The following SLC23A3 variants were observed in gnomAD, a reference collection of about 807,000 sequenced individuals.
SLC23A3 encodes the protein E2-binding protein 3.
Under a neutral mutation model 64.7 loss-of-function variants are expected in SLC23A3, and 41 were observed. The ratio of observed to expected loss-of-function variants is 0.63; its 90% CI spans 0.49 to 0.82. The LOEUF is 0.82. Among genes scored for constraint, SLC23A3 ranks in the 40% least tolerant of loss-of-function variants. The pLI, the probability that SLC23A3 is intolerant of heterozygous loss-of-function variation, is 0.00. For synonymous variants in SLC23A3, 281 were observed against 306.8 expected, an observed-to-expected ratio of 0.92 and a Z score of 0.88; for missense variants, 647 against 733.4, an observed-to-expected ratio of 0.88 and a Z score of 1.36.
chr2:219,168,947 A>C, intron 4 of SLC23A3, 82 bp downstream of exon 4: 1 of 1,554,894 alleles, frequency 6.4e-7, no homozygotes, highest in Non-Finnish European at 8.9e-7. Flanking sequence ...TTCCAGGAGC[A>C]TCTCAGTCTG....
At chr2:219,163,794 G>A (rs901884450) in intron 9 of SLC23A3, among the ~76,000 whole-genome samples, 5 of 151,828 alleles carry the variant, frequency 3.3e-5, no homozygotes, top group South Asian at 2.1e-4. Flanking sequence ...TCCTACTCCC[G>A]GATTCAAGCG....
chr2:219,166,111 G>A (rs974447973), intron 7 of SLC23A3, among the ~76,000 whole-genome samples: 1 of 146,800 alleles, frequency 6.8e-6, no homozygotes, highest in African/African-American at 2.5e-5. Context: ...CAGCCTGGGC[G>A]ACAAGAGTGA....
chr2:219,164,025 G>T (rs1949977793), intron 9 of SLC23A3, among the ~76,000 whole-genome samples: 1 of 152,180 alleles, frequency 6.6e-6, no homozygotes, highest in African/African-American at 2.4e-5. Flanking sequence ...TGATTCTTCA[G>T]GAAGCCCAGA....
chr2:219,168,600 C>A, intron 5 of SLC23A3, 52 bp downstream of exon 5: 1 of 1,559,176 alleles, frequency 6.4e-7, no homozygotes, highest in East Asian at 2.3e-5. Flanking sequence ...TCCCCTAGTC[C>A]CCCCATACAC....
chr2:219,165,363 A>G lies in SLC23A3; in HGVS notation c.973T>C (p.Leu325=). 8 of 1,551,358 alleles carry G rather than the reference A, an allele frequency of 5.2e-6. No individual in the cohort carries two copies. The highest frequency in any genetic ancestry group is 7.0e-6 in the Non-Finnish European group (8 of 1,146,896). ...RALAAGISMA[L]AASTSSLGCY... is the part of the protein sequence containing the mutation. ...CCCAGGGAACTGGTGGAGGCTGCCA[A>G]GGCCATGGAGATGCCTGCAGCCAGA... The change falls in exon 8 of 12, where the codon TTG becomes CTG. Residue 325 remains leucine (L), a synonymous_variant. Coordinates refer to ENST00000409878, the MANE Select transcript of SLC23A3 (RefSeq NM_001144889.2).
rs1949943755 is a variant in SLC23A3, at chr2:219,161,689, C to T, written c.*220G>A. ...GATAGTACACAGGCAAAATCTCAATCATTCATGGTCCACTAAATCATGGCC... is the reference window on the plus strand; with the variant it reads ...GATAGTACACAGGCAAAATCTCAATTATTCATGGTCCACTAAATCATGGCC... On this transcript the variant is annotated 3_prime_UTR_variant, in exon 12 of 12. Transcript: ENST00000409878. 2.3e-6 allele frequency: 1 copy of T among 439,630 alleles called. No individual in the cohort carries two copies. Among genetic ancestry groups the T allele is most frequent in the Admixed American group, 3.8e-5 (1 of 26,370 alleles). The allele number at this position is 439,630 out of a possible 1,614,324, so 27.2% of individuals were successfully genotyped here.
At position 219,163,494 on chromosome 2, in the gene SLC23A3, C is replaced by T; in HGVS notation, c.1335G>A (p.Leu445=). 6.2e-7 allele frequency: 1 copy of T among 1,614,148 alleles called. No homozygotes were observed. The highest frequency in any genetic ancestry group is 8.5e-7 in the Non-Finnish European group (1 of 1,180,042). ...VLSAGFSSFY[L]ADIDSGRNIF... ...TATTTCGCCCAGAGTCTATGTCAGCCAGGTAGAAGCTGGAGAATCCAGCAG... is the reference window on the plus strand; with the variant it reads ...TATTTCGCCCAGAGTCTATGTCAGCTAGGTAGAAGCTGGAGAATCCAGCAG... The change falls in exon 10 of 12, where the codon CTG becomes CTA. Residue 445 remains leucine, a synonymous_variant. Coordinates refer to ENST00000409878, the MANE Select transcript of SLC23A3 (RefSeq NM_001144889.2).
Position 219,169,363 on chromosome 2 carries a change from C to A in SLC23A3, c.364G>T (p.Ala122Ser), listed in dbSNP as rs761310824. ...AGCTTCTGGCTGGTCAGCACCAGAG[C>A]AGGGATAAGGAACTCTAAGGATGGA... ...QAPSLEFLIP[A>S]LVLTSQKLPR... The change falls in exon 3 of 12, where the codon GCT becomes TCT. Residue 122 changes from alanine (A) to serine (S), a missense_variant. By Grantham distance (99) the Ala-to-Ser change is moderately conservative. Transcript: ENST00000409878. The surrounding 1 kb of genome is among the most constrained non-coding windows in gnomAD (Gnocchi z 4.5). The A allele has an allele frequency of 1.2e-6, 2 of 1,614,174 alleles. No homozygotes were observed. Among genetic ancestry groups the A allele is most frequent in the Non-Finnish European group, 1.7e-6 (2 of 1,180,024 alleles).
Position 219,169,439 on chromosome 2 carries a change from C to T in SLC23A3, c.321-33G>A, listed in dbSNP as rs1447766151. The T allele has an allele frequency of 6.2e-7, 1 of 1,613,848 alleles. No individual in the cohort carries two copies. Among genetic ancestry groups the T allele is most frequent in the Non-Finnish European group, 8.5e-7 (1 of 1,179,908 alleles). ...AACAGCAGCCCCAGCAGGTCTGGGA[C>T]TATGTGGCAGCCAGCAAGGCTCCCC... On this transcript the variant is annotated intron_variant, in intron 2 of 11. Coordinates refer to ENST00000409878, the MANE Select transcript of SLC23A3 (RefSeq NM_001144889.2). The surrounding 1 kb of genome is among the most constrained non-coding windows in gnomAD (Gnocchi z 4.5).
rs73074971 is a variant in SLC23A3 at position 219,166,055 on chromosome 2, C to T, written c.914-633G>A. ...GGTGGAAGCAGGAGAATCACTTGAACCCGGAAGGCGGAGGTGCAGTTAGCC... is the reference window on the plus strand; with the variant it reads ...GGTGGAAGCAGGAGAATCACTTGAATCCGGAAGGCGGAGGTGCAGTTAGCC... On this transcript the variant is annotated intron_variant, in intron 7 of 11. Transcript: ENST00000409878. Among the ~76,000 whole-genome samples the T allele has an allele frequency of 2.4e-3, 360 of 151,960 alleles. 3 individuals carry two copies. The highest frequency in any genetic ancestry group is 7.6e-3 in the African/African-American group (316 of 41,424).
chr2:219,165,049 C>T, intron 8 of SLC23A3, 120 bp downstream of exon 8: 1 of 1,343,420 alleles, frequency 7.4e-7, no homozygotes, highest in African/African-American at 1.5e-5. Context: ...AGGCACCTCC[C>T]CAAGTAAGAT....
At chr2:219,167,189 G>A (rs1306436257) in intron 7 of SLC23A3, among the ~76,000 whole-genome samples, 9 of 152,166 alleles carry the variant, frequency 5.9e-5, no homozygotes, top group African/African-American at 2.2e-4. Flanking sequence ...AGCCAAGGAG[G>A]TTGAGGCTGC....
intron 8 of SLC23A3, 170 bp from the exon 9 acceptor site, chr2:219,164,508 A>G: frequency 1.8e-6 from 1 of 558,076 alleles, no homozygotes. Flanking sequence ...CACTACCCTG[A>G]TTTTTTTATA....
Position 219,164,259 on chromosome 2 carries a change from A to T in SLC23A3, c.1247T>A (p.Leu416His). The T allele has an allele frequency of 1.2e-6, 2 of 1,609,640 alleles. No individual in the cohort carries two copies. Among genetic ancestry groups the T allele is most frequent in the Non-Finnish European group, 1.7e-6 (2 of 1,178,010 alleles). ...LGLSPRLAQL[L>H]TTIPLPVVGG... Reference sequence around the variant, plus strand: ...AACAACAGGCAGTGGGATGGTGGTGAGGAGCTGAGCCAACCTGGGGGAGAG... The same window carrying T: ...AACAACAGGCAGTGGGATGGTGGTGTGGAGCTGAGCCAACCTGGGGGAGAG... Residue 416 changes from leucine (L) to histidine (H), a missense_variant, in exon 9 of 12, where the codon CTC becomes CAC. Leu to His is a moderately conservative substitution (Grantham distance 99). Coordinates refer to ENST00000409878, the MANE Select transcript of SLC23A3 (RefSeq NM_001144889.2).
intron 7 of SLC23A3, among the ~76,000 whole-genome samples, chr2:219,167,526 C>A (rs1360634634): frequency 1.5e-5 from 2 of 136,360 alleles, no homozygotes; most frequent in East Asian, 4.3e-4. Context: ...TTTAATCAAG[C>A]AGATCACTTG....
At chr2:219,164,480 C>G (rs1032067598) in intron 8 of SLC23A3, 142 bp from the exon 9 acceptor site, 1 of 602,650 alleles carries the variant, frequency 1.7e-6, no homozygotes, top group African/African-American at 1.9e-5. Context: ...TCTATCTAAA[C>G]GTGCCTCCTT....
chr2:219,161,844 G>A lies in SLC23A3; in HGVS notation c.*65C>T. 1.3e-6 allele frequency: 2 copies of A among 1,483,816 alleles called. No homozygotes were observed. Among genetic ancestry groups the A allele is most frequent in the East Asian group, 4.6e-5 (2 of 43,748 alleles). 91.9% of individuals were successfully genotyped at this position (1,483,816 alleles called of 1,614,324 possible). A position where few individuals can be genotyped will look rare whatever the true frequency, so the allele number is the denominator to read the frequency against. On this transcript the variant is annotated 3_prime_UTR_variant, in exon 12 of 12. Transcript: ENST00000409878. ...TCTGCCTACAAGAAAGAACAGTTTGGGAGCTGACTCTCCAGCAGATGAGAG... is the reference window on the plus strand; with the variant it reads ...TCTGCCTACAAGAAAGAACAGTTTGAGAGCTGACTCTCCAGCAGATGAGAG...
chr2:219,161,587 T>A lies in SLC23A3; in HGVS notation c.*322A>T, dbSNP rs551759116. On this transcript the variant is annotated 3_prime_UTR_variant, in exon 12 of 12. Coordinates refer to ENST00000409878, the MANE Select transcript of SLC23A3 (RefSeq NM_001144889.2). ...TTGAGACGGCATGGACCCTGTCTTA[T>A]CCCTGTAGTTCCAGGACCTTGCACA... 9 of 232,228 alleles carry A rather than the reference T, an allele frequency of 3.9e-5. No individual in the cohort carries two copies. Among genetic ancestry groups the A allele is most frequent in the African/African-American group, 1.8e-4 (8 of 44,622 alleles). 14.4% of individuals were successfully genotyped at this position (232,228 alleles called of 1,614,324 possible).
At position 219,169,669 on chromosome 2, in the gene SLC23A3, C is replaced by T; in HGVS notation, c.172G>A (p.Val58Ile). 6.2e-7 allele frequency: 1 copy of T among 1,614,060 alleles called. No individual in the cohort carries two copies. The highest frequency in any genetic ancestry group is 1.1e-5 in the South Asian group (1 of 91,078). Residue 58 changes from valine to isoleucine, a missense_variant, in exon 2 of 12, where the codon GTC (valine) becomes ATC (isoleucine). By Grantham distance (29) the Val-to-Ile change is conservative (BLOSUM62 3). Transcript: ENST00000409878. This position sits in a 1 kb window ranked among gnomAD's most constrained non-coding sequence, Gnocchi z 4.5. The part of the protein sequence containing the change: ...SCLLALQHVL[V>I]MASLLCVSHL... ...GAGACACAGAGCAGAGAAGCCATGA[C>T]CAAGACATGCTGCAGGTGGAGGAAT... is the stretch of plus-strand genomic sequence containing the variant.
Sources: allele counts gnomAD v4.1 joint callset (sites outside exome capture counted in the v4.1 genomes callset), GRCh38; gene constraint gnomAD v4.1.1; non-coding constraint Gnocchi (gnomAD v3.1); transcripts MANE v1.5; gene names NCBI Gene and HGNC (gene_info 2026-07-23, HGNC 2026-07-21).